The following NKAIN3 variants were observed in gnomAD, a reference collection of about 807,000 sequenced individuals.
The protein encoded by NKAIN3 is sodium/potassium-transporting ATPase subunit beta-1-interacting protein 3.
A neutral mutation model predicts 30.2 loss-of-function variants in NKAIN3; 25 were observed. The ratio of observed to expected loss-of-function variants is 0.83; its 90% CI spans 0.60 to 1.16. The LOEUF is 1.16. NKAIN3 is among the 50% of genes most tolerant of loss of function. The probability of loss-of-function intolerance (pLI) is 0.00; values close to 1 mark genes in which losing one functional copy is unlikely to be tolerated. For synonymous variants in NKAIN3, 91 were observed against 89.6 expected, an observed-to-expected ratio of 1.02 and a Z score of -0.09; for missense variants, 225 against 254.1, an observed-to-expected ratio of 0.89 and a Z score of 0.78.
intron 3 of NKAIN3, among the ~76,000 whole-genome samples, chr8:62,591,666 A>G (rs1353492566): frequency 6.6e-6 from 1 of 151,982 alleles, no homozygotes; most frequent in African/African-American, 2.4e-5. Flanking sequence ...TTTATTACCT[A>G]TTTAAATGCC....
chr8:62,750,355 C>T (rs1212205620), intron 4 of NKAIN3, among the ~76,000 whole-genome samples: 1 of 152,032 alleles, frequency 6.6e-6, no homozygotes, highest in Non-Finnish European at 1.5e-5. Flanking sequence ...GCAAGTGCCT[C>T]GCGTGAGTGG....
At chr8:62,894,987 C>T (rs4374987) in intron 4 of NKAIN3, among the ~76,000 whole-genome samples, 117,466 of 152,126 alleles carry the variant, frequency 0.77, 46,183 homozygotes, top group East Asian at 0.93. Context: ...TCCCACATCA[C>T]ATCTAATTGT....
intron 4 of NKAIN3, among the ~76,000 whole-genome samples, chr8:62,785,709 G>A (rs762003858): frequency 1.3e-5 from 2 of 152,014 alleles, no homozygotes; most frequent in Non-Finnish European, 2.9e-5. Context: ...GACTTTTTAT[G>A]TTAAAAATAA....
chr8:62,898,594 A>C (rs1231333243), intron 4 of NKAIN3, among the ~76,000 whole-genome samples: 7 of 152,076 alleles, frequency 4.6e-5, no homozygotes, highest in Non-Finnish European at 8.8e-5. Flanking sequence ...GTGATTTTTA[A>C]AAAACTACAT....
intron 4 of NKAIN3, among the ~76,000 whole-genome samples, chr8:62,795,188 G>T (rs1243038647): frequency 6.6e-6 from 1 of 152,050 alleles, no homozygotes; most frequent in Non-Finnish European, 1.5e-5. Flanking sequence ...GTCCCCCTTT[G>T]ACTTTTTCTT....
chr8:62,416,292 T>A (rs1266187942), intron 1 of NKAIN3, among the ~76,000 whole-genome samples: 1 of 152,200 alleles, frequency 6.6e-6, no homozygotes, highest in East Asian at 1.9e-4. Context: ...TTTTAGTTTC[T>A]TATAGTTTTG....
intron 2 of NKAIN3, among the ~76,000 whole-genome samples, chr8:62,584,752 G>C (rs1246828079): frequency 6.6e-6 from 1 of 152,152 alleles, no homozygotes; most frequent in Non-Finnish European, 1.5e-5. Context: ...TACAGGCCTT[G>C]CCTGACCACT....
chr8:62,495,476 T>A (rs1231335573), intron 1 of NKAIN3, among the ~76,000 whole-genome samples: 1 of 151,432 alleles, frequency 6.6e-6, no homozygotes, highest in Non-Finnish European at 1.5e-5. Context: ...CAAGAAATTT[T>A]TTTTGGTTAA....
intron 1 of NKAIN3, among the ~76,000 whole-genome samples, chr8:62,540,115 A>G (rs1808792265): frequency 6.6e-6 from 1 of 152,184 alleles, no homozygotes; most frequent in Non-Finnish European, 1.5e-5. Context: ...TCATATAAAA[A>G]ACATCATTTT....
intron 1 of NKAIN3, among the ~76,000 whole-genome samples, chr8:62,410,322 G>T (rs1489475837): frequency 6.6e-6 from 1 of 152,176 alleles, no homozygotes; most frequent in African/African-American, 2.4e-5. Context: ...GTATTCCATG[G>T]TGTGTATATG....
At chr8:62,734,260 G>T (rs562845303) in intron 3 of NKAIN3, among the ~76,000 whole-genome samples, 1 of 152,332 alleles carries the variant, frequency 6.6e-6, no homozygotes, top group South Asian at 2.1e-4. Context: ...TCCAGCCTGG[G>T]TGACAGAGCA....
intron 4 of NKAIN3, among the ~76,000 whole-genome samples, chr8:62,798,343 G>A (rs1817935250): frequency 1.3e-5 from 2 of 152,116 alleles, no homozygotes; most frequent in African/African-American, 4.8e-5. Flanking sequence ...AGGCTGAGGT[G>A]GGCGGATCAT....
intron 1 of NKAIN3, among the ~76,000 whole-genome samples, chr8:62,452,287 C>A (rs755542642): frequency 1.3e-5 from 2 of 152,016 alleles, no homozygotes; most frequent in Non-Finnish European, 2.9e-5. Context: ...ACCAGCCTGG[C>A]CAACATAGCG....
chr8:62,905,713 C>T (rs567350290), intron 4 of NKAIN3, among the ~76,000 whole-genome samples: 95 of 152,250 alleles, frequency 6.2e-4, no homozygotes, highest in African/African-American at 2.2e-3. Context: ...AATCAGAGAC[C>T]TTTAACACAG....
chr8:62,397,243 C>G (rs1817793236), intron 1 of NKAIN3, among the ~76,000 whole-genome samples: 1 of 135,554 alleles, frequency 7.4e-6, no homozygotes, highest in South Asian at 2.6e-4. Flanking sequence ...CCATTTGTGC[C>G]TTTTATTATC....
At chr8:62,542,711 A>G (rs1808883211) in intron 1 of NKAIN3, among the ~76,000 whole-genome samples, 1 of 152,172 alleles carries the variant, frequency 6.6e-6, no homozygotes, top group African/African-American at 2.4e-5. Context: ...AAAACATGTT[A>G]AACATGTTAA....
chr8:62,762,802 ATGACAGAGTT>A (rs146546024), intron 4 of NKAIN3, among the ~76,000 whole-genome samples: 1,744 of 152,312 alleles, frequency 0.011, 11 homozygotes, highest in Non-Finnish European at 0.019. Flanking sequence ...GCTTACTGAG[ATGACAGAGTT>A]GAGAGATTTT....
intron 4 of NKAIN3, among the ~76,000 whole-genome samples, chr8:62,838,964 G>A (rs1399036143): frequency 6.6e-6 from 1 of 152,062 alleles, no homozygotes; most frequent in African/African-American, 2.4e-5. Flanking sequence ...TCTTGCTCCT[G>A]AGTACAAGGA....
chr8:62,545,908 C>A (rs998151560), intron 1 of NKAIN3, among the ~76,000 whole-genome samples: 1 of 152,134 alleles, frequency 6.6e-6, no homozygotes, highest in Non-Finnish European at 1.5e-5. Context: ...GTGTAAGTCA[C>A]AAAAATATAT....
Sources: allele counts gnomAD v4.1 joint callset (sites outside exome capture counted in the v4.1 genomes callset), GRCh38; gene constraint gnomAD v4.1.1; transcripts MANE v1.5; gene names NCBI Gene and HGNC (gene_info 2026-07-23, HGNC 2026-07-21).